Variants in NOS1AP observed in about 807,000 individuals in gnomAD.
NOS1AP encodes the protein carboxyl-terminal PDZ ligand of neuronal nitric oxide synthase protein.
NOS1AP carries 21 observed loss-of-function variants against 56.2 expected under a neutral mutation model. The ratio of observed to expected loss-of-function variants is 0.37; its 90% CI spans 0.26 to 0.54. The LOEUF (loss-of-function observed/expected upper bound fraction) is 0.54, where lower values mean the gene tolerates loss of function less well. Ranked by LOEUF, NOS1AP falls within the 20% of genes least tolerant of loss-of-function variation. The pLI is 0.84. For synonymous variants in NOS1AP, 270 were observed against 274.6 expected (o/e 0.98, Z 0.17); for missense variants, 522 against 657.8 (o/e 0.79, Z 2.26).
intron 2 of NOS1AP, among the ~76,000 whole-genome samples, chr1:162,204,885 T>G (rs1045604597): frequency 6.6e-6 from 1 of 152,052 alleles, no homozygotes; most frequent in African/African-American, 2.4e-5. Flanking sequence ...GGATGGTGAT[T>G]TGTTTATAGG....
At chr1:162,352,444 A>G (rs1039884415) in intron 6 of NOS1AP, among the ~76,000 whole-genome samples, 2 of 149,616 alleles carry the variant, frequency 1.3e-5, no homozygotes, top group Non-Finnish European at 3.0e-5. Flanking sequence ...CTGACATTCC[A>G]TGATTTCAAC....
rs575095889 is a variant in NOS1AP, at chr1:162,295,849, C to T, written c.271-4784C>T. On this transcript the variant is annotated intron_variant, in intron 3 of 9. Coordinates refer to ENST00000361897, the MANE Select transcript of NOS1AP (RefSeq NM_014697.3). Reference sequence around the variant, plus strand: ...GAATTTGTTTTTACTCTTGGCTGGGCGGCTAACAAGGAGTGACACCTTGCT... The same window carrying T: ...GAATTTGTTTTTACTCTTGGCTGGGTGGCTAACAAGGAGTGACACCTTGCT... Among the ~76,000 whole-genome samples, 178 of 152,076 alleles carry T rather than the reference C, an allele frequency of 1.2e-3. 1 individual carries two copies. Among genetic ancestry groups the T allele is most frequent in the African/African-American group, 1.4e-3 (59 of 41,378 alleles).
At chr1:162,111,637 T>G (rs1647714853) in intron 1 of NOS1AP, among the ~76,000 whole-genome samples, 1 of 152,288 alleles carries the variant, frequency 6.6e-6, no homozygotes, top group South Asian at 2.1e-4. Flanking sequence ...ACATCAACAG[T>G]GTGGCCTTAT....
chr1:162,293,814 T>C lies in NOS1AP; in HGVS notation c.270+6378T>C, dbSNP rs552606729. The stretch of plus-strand genomic sequence containing the variant: ...TATTTATCACTGGACTAGGTGGCCT[T>C]GGAGGGAAATAAGCCAACTTCTCTG... On this transcript the variant is annotated intron_variant, in intron 3 of 9. Transcript: ENST00000361897. 6.6e-5 allele frequency among the ~76,000 whole-genome samples: 10 copies of C among 152,330 alleles called. No homozygotes were observed. In the South Asian group the frequency reaches 2.1e-3, roughly 32 times the overall value.
chr1:162,128,582 CA>C (rs1648598006), intron 1 of NOS1AP, among the ~76,000 whole-genome samples: 1 of 152,208 alleles, frequency 6.6e-6, no homozygotes, highest in African/African-American at 2.4e-5. Context: ...AAAAACTCCT[CA>C]AAAAAATTTG....
intron 4 of NOS1AP, among the ~76,000 whole-genome samples, chr1:162,308,617 G>A (rs2819315): frequency 0.41 from 63,074 of 152,036 alleles, 13,955 homozygotes; most frequent in East Asian, 0.59. Context: ...ACCAAGGGAA[G>A]CCCTTTCATT....
intron 1 of NOS1AP, among the ~76,000 whole-genome samples, chr1:162,112,337 G>A (rs1048611007): frequency 6.6e-6 from 1 of 152,186 alleles, no homozygotes; most frequent in Admixed American, 6.5e-5. Flanking sequence ...GGCTTGAGTT[G>A]TCATCTCACG....
intron 1 of NOS1AP, among the ~76,000 whole-genome samples, chr1:162,082,590 G>T (rs1691919010): frequency 6.6e-6 from 1 of 152,044 alleles, no homozygotes; most frequent in Admixed American, 6.6e-5. Context: ...TTACAACCTT[G>T]CCAACATCTG....
In NOS1AP at chr1:162,357,210, T is replaced by G. The variant is rs746465475; in HGVS notation, c.939+74T>G. 20 of 1,557,144 alleles carry G rather than the reference T, an allele frequency of 1.3e-5. No individual in the cohort carries two copies. The African/African-American group carries it at 1.9e-4, about 15-fold the overall frequency. On this transcript the variant is annotated intron_variant, in intron 8 of 9. Transcript: ENST00000361897. ...TGATGCACCTTCCCTAGCGAGGGGC[T>G]CAGGGCAGGTTTAAAATCTAGGGAG... is the stretch of plus-strand genomic sequence containing the variant.
At chr1:162,257,000 T>C (rs1654050181) in intron 2 of NOS1AP, among the ~76,000 whole-genome samples, 1 of 152,170 alleles carries the variant, frequency 6.6e-6, no homozygotes, top group African/African-American at 2.4e-5. Flanking sequence ...TAAGTGAAAC[T>C]GACTTTTGTT....
At chr1:162,288,383 C>CA (rs1655158193) in intron 3 of NOS1AP, among the ~76,000 whole-genome samples, 1 of 152,160 alleles carries the variant, frequency 6.6e-6, no homozygotes, top group Non-Finnish European at 1.5e-5. Flanking sequence ...GGACTTAAAG[C>CA]AGACCTTGAA....
intron 2 of NOS1AP, among the ~76,000 whole-genome samples, chr1:162,248,752 C>G (rs1405344660): frequency 6.6e-6 from 1 of 152,160 alleles, no homozygotes; most frequent in Non-Finnish European, 1.5e-5. Context: ...TCCACCAACA[C>G]AAATAACAAC....
intron 4 of NOS1AP, among the ~76,000 whole-genome samples, chr1:162,320,207 G>C (rs1313981298): frequency 6.6e-6 from 1 of 152,098 alleles, no homozygotes; most frequent in Non-Finnish European, 1.5e-5. Context: ...GGACCACCCC[G>C]ACACCTGCTT....
intron 1 of NOS1AP, among the ~76,000 whole-genome samples, chr1:162,082,770 G>A (rs1691922230): frequency 6.6e-6 from 1 of 152,052 alleles, no homozygotes; most frequent in Non-Finnish European, 1.5e-5. Context: ...GAGGCCCCAT[G>A]GTGCCTCTGG....
At chr1:162,092,495 A>G (rs1692157933) in intron 1 of NOS1AP, among the ~76,000 whole-genome samples, 1 of 152,186 alleles carries the variant, frequency 6.6e-6, no homozygotes, top group Non-Finnish European at 1.5e-5. Context: ...TGAAGGCTCC[A>G]TGCTATTCAC....
intron 4 of NOS1AP, 56 bp downstream of exon 4, chr1:162,300,762 C>A (rs546891807): frequency 3.2e-5 from 46 of 1,459,346 alleles, no homozygotes; most frequent in Non-Finnish European, 4.2e-5. Context: ...CCTCCTGCCC[C>A]CTACAGCCAC....
intron 2 of NOS1AP, among the ~76,000 whole-genome samples, chr1:162,248,526 C>G (rs1653747364): frequency 6.6e-6 from 1 of 152,170 alleles, no homozygotes; most frequent in Non-Finnish European, 1.5e-5. Flanking sequence ...AGAAGGACTT[C>G]TAATATGCTC....
chr1:162,113,947 G>A (rs61809614), intron 1 of NOS1AP, among the ~76,000 whole-genome samples: 127 of 152,068 alleles, frequency 8.4e-4, no homozygotes, highest in Non-Finnish European at 1.6e-3. Flanking sequence ...TGATTCTAAA[G>A]GCAGTGTTAT....
intron 5 of NOS1AP, among the ~76,000 whole-genome samples, chr1:162,343,033 A>G (rs1294247585): frequency 6.6e-6 from 1 of 152,190 alleles, no homozygotes; most frequent in Non-Finnish European, 1.5e-5. Flanking sequence ...AACCATAATC[A>G]GTTATCCACC....
Sources: allele counts gnomAD v4.1 joint callset (sites outside exome capture counted in the v4.1 genomes callset), GRCh38; gene constraint gnomAD v4.1.1; transcripts MANE v1.5; gene names NCBI Gene and HGNC (gene_info 2026-07-23, HGNC 2026-07-21).